The following GNA14 variants were observed in gnomAD, a reference collection of about 807,000 sequenced individuals.
GNA14 encodes the protein guanine nucleotide-binding protein subunit alpha-14.
GNA14 carries 50 observed loss-of-function variants against 42.0 expected under a neutral mutation model. The ratio of observed to expected loss-of-function variants is 1.19; its 90% CI spans 0.95 to 1.51. GNA14 has a LOEUF of 1.51. Among genes scored for constraint, GNA14 ranks in the 40% most tolerant of loss-of-function variants. GNA14 has a pLI of 0.00. For missense variants in GNA14, 473 were observed against 446.2 expected (o/e 1.06, Z -0.54); for synonymous variants, 173 against 163.1 (o/e 1.06, Z -0.46).
Position 77,428,970 on chromosome 9 carries a change from G to A in GNA14, c.660C>T (p.Thr220=), listed in dbSNP as rs199888332. ...TCAGAGCAACCAAGAAAATAATGGA[G>A]GTGACACTCTCAAAGCAGTGAATCC... The part of the protein sequence containing the change: ...RKWIHCFESV[T]SIIFLVALSE... The change falls in exon 5 of 7, where the codon ACC becomes ACT. Residue 220 remains threonine (T), a synonymous_variant. Coordinates refer to ENST00000341700, the MANE Select transcript of GNA14 (RefSeq NM_004297.4). The A allele has an allele frequency of 1.0e-4, 167 of 1,613,504 alleles. No individual in the cohort carries two copies. The highest frequency in any genetic ancestry group is 1.5e-4 in the Admixed American group (9 of 59,988).
At chr9:77,490,243 T>C (rs571395267) in intron 2 of GNA14, among the ~76,000 whole-genome samples, 73 of 152,344 alleles carry the variant, frequency 4.8e-4, no homozygotes, top group Admixed American at 1.3e-3. Flanking sequence ...AGGGTGCTGA[T>C]TGCTGTGTTT....
intron 4 of GNA14, among the ~76,000 whole-genome samples, chr9:77,430,845 C>A (rs1835537910): frequency 6.6e-6 from 1 of 152,170 alleles, no homozygotes; most frequent in South Asian, 2.1e-4. Context: ...TACATTTTTA[C>A]ACAGCTGTTA....
chr9:77,486,282 A>C (rs1836659052), intron 2 of GNA14, among the ~76,000 whole-genome samples: 2 of 152,132 alleles, frequency 1.3e-5, no homozygotes, highest in South Asian at 2.1e-4. Flanking sequence ...TCTCACTTCC[A>C]GCTTTTATTG....
At chr9:77,450,030 G>C (rs2131702947) in intron 2 of GNA14, among the ~76,000 whole-genome samples, 1 of 152,258 alleles carries the variant, frequency 6.6e-6, no homozygotes, top group South Asian at 2.1e-4. Flanking sequence ...GCTGGACCTG[G>C]GCCGAAGGAC....
At position 77,624,439 on chromosome 9, in the gene GNA14, C is replaced by T. The variant is rs1587852387; in HGVS notation, c.124+23231G>A. 2.0e-5 allele frequency among the ~76,000 whole-genome samples: 3 copies of T among 152,304 alleles called. No individual in the cohort carries two copies. The East Asian group carries it at 5.8e-4, about 30-fold the overall frequency. On this transcript the variant is annotated intron_variant, in intron 1 of 6. Coordinates refer to ENST00000341700, the MANE Select transcript of GNA14 (RefSeq NM_004297.4). ...GCTCTGCTAAGAGACAGACTGCCTC[C>T]TCAAGTGGGTCCCTGACTCCCATGC...
intron 1 of GNA14, among the ~76,000 whole-genome samples, chr9:77,618,601 TATATATA>T (rs1324859501): frequency 2.8e-4 from 4 of 14,208 alleles, no homozygotes; most frequent in African/African-American, 5.6e-4. Context: ...TATATATATA[TATATATA>T]TATATATATA....
At chr9:77,428,065 TTTTTTC>T (rs1173612669) in intron 5 of GNA14, among the ~76,000 whole-genome samples, 2 of 148,930 alleles carry the variant, frequency 1.3e-5, no homozygotes, top group Non-Finnish European at 3.0e-5. Flanking sequence ...AGAGATGGCA[TTTTTTC>T]TTTTTTTTTT....
intron 1 of GNA14, among the ~76,000 whole-genome samples, chr9:77,549,703 G>A (rs1837766477): frequency 1.3e-5 from 2 of 152,150 alleles, no homozygotes; most frequent in Admixed American, 1.3e-4. Context: ...CTATTCTGGG[G>A]CTCTTGGCGC....
At chr9:77,639,487 G>A (rs774234965) in intron 1 of GNA14, among the ~76,000 whole-genome samples, 2 of 152,192 alleles carry the variant, frequency 1.3e-5, no homozygotes, top group African/African-American at 2.4e-5. Flanking sequence ...CATGCTAACC[G>A]CTGTGTCACA....
At chr9:77,641,314 G>C (rs191986461) in intron 1 of GNA14, among the ~76,000 whole-genome samples, 14 of 151,984 alleles carry the variant, frequency 9.2e-5, no homozygotes, top group African/African-American at 3.4e-4. Flanking sequence ...CCTAAATCTT[G>C]ATAAGAAGCA....
intron 1 of GNA14, among the ~76,000 whole-genome samples, chr9:77,543,596 C>A (rs1189449814): frequency 6.6e-6 from 1 of 152,190 alleles, no homozygotes; most frequent in Non-Finnish European, 1.5e-5. Context: ...GGGTTAAGCG[C>A]CTCTCGCTGG....
chr9:77,478,976 T>C (rs1399043384), intron 2 of GNA14, among the ~76,000 whole-genome samples: 8 of 152,190 alleles, frequency 5.3e-5, no homozygotes, highest in Admixed American at 1.3e-4. Flanking sequence ...ATTCTGTAGG[T>C]TGCCTGTTCA....
At chr9:77,485,694 C>A (rs1836647859) in intron 2 of GNA14, among the ~76,000 whole-genome samples, 2 of 152,100 alleles carry the variant, frequency 1.3e-5, no homozygotes, top group South Asian at 4.1e-4. Flanking sequence ...GTTTTGTTAG[C>A]AACCATTTAA....
intron 1 of GNA14, among the ~76,000 whole-genome samples, chr9:77,626,357 G>C (rs1168416183): frequency 6.6e-6 from 1 of 152,068 alleles, no homozygotes; most frequent in African/African-American, 2.4e-5. Flanking sequence ...GGATATTCAG[G>C]ACTTGAACTC....
intron 2 of GNA14, among the ~76,000 whole-genome samples, chr9:77,509,786 G>A (rs993428485): frequency 3.3e-5 from 5 of 151,980 alleles, no homozygotes; most frequent in African/African-American, 7.3e-5. Context: ...TGACAAAAAC[G>A]GCAATTACTT....
intron 2 of GNA14, among the ~76,000 whole-genome samples, chr9:77,453,200 A>G (rs1046481282): frequency 6.6e-6 from 1 of 152,186 alleles, no homozygotes; most frequent in African/African-American, 2.4e-5. Flanking sequence ...CCCTTCCGCC[A>G]TGCGAAGACA....
chr9:77,629,499 G>A (rs1824061706), intron 1 of GNA14, among the ~76,000 whole-genome samples: 1 of 152,188 alleles, frequency 6.6e-6, no homozygotes, highest in African/African-American at 2.4e-5. Context: ...ACCAATGATA[G>A]ACTGGATAAA....
At chr9:77,477,666 C>T (rs919540670) in intron 2 of GNA14, among the ~76,000 whole-genome samples, 1 of 152,036 alleles carries the variant, frequency 6.6e-6, no homozygotes, top group Non-Finnish European at 1.5e-5. Context: ...CAAAATAAAA[C>T]AGAAAGGAAG....
At chr9:77,584,079 G>A in intron 1 of GNA14, among the ~76,000 whole-genome samples, 1 of 152,286 alleles carries the variant, frequency 6.6e-6, no homozygotes, top group East Asian at 1.9e-4. Context: ...TGAGACAAGG[G>A]CAAAAATAAA....
Sources: gnomAD v4.1 joint callset for allele counts (sites outside exome capture counted in the v4.1 genomes callset) on GRCh38, gnomAD v4.1.1 for gene constraint, MANE v1.5 for transcripts, NCBI Gene and HGNC (gene_info 2026-07-23, HGNC 2026-07-21) for gene names.